TBC1D31: variants seen among roughly 807,000 people sequenced by gnomAD.
The protein encoded by TBC1D31 is TBC1 domain family member 31.
A neutral mutation model predicts 132.9 loss-of-function variants in TBC1D31; 99 were observed. The observed-to-expected ratio is 0.74, with a 90% CI of 0.63 to 0.88. TBC1D31 has a LOEUF of 0.88. TBC1D31 is among the 40% of genes least tolerant of loss of function. TBC1D31 has a pLI of 0.00. For missense variants in TBC1D31, 1,134 were observed against 1,256.6 expected, an observed-to-expected ratio of 0.90 and a Z score of 1.48; for synonymous variants, 385 against 419.4, an observed-to-expected ratio of 0.92 and a Z score of 1.00.
At chr8:123,095,608 A>G (rs772445531) in intron 5 of TBC1D31, among the ~76,000 whole-genome samples, 3 of 152,222 alleles carry the variant, frequency 2.0e-5, no homozygotes, top group Admixed American at 6.5e-5. Context: ...TGTCATTCTT[A>G]GAGATGTTCC....
chr8:123,153,841 TATTTATTACATCC>T (rs1418008948), downstream of TBC1D31, among the ~76,000 whole-genome samples: 1 of 152,252 alleles, frequency 6.6e-6, no homozygotes, highest in African/African-American at 2.4e-5. Flanking sequence ...GGCCTTTTCA[TATTTATTACATCC>T]ATAAAGTTTC....
chr8:123,123,745 C>T (rs1483598139), intron 11 of TBC1D31: 1 of 152,196 alleles, frequency 6.6e-6, no homozygotes, highest in Non-Finnish European at 1.5e-5. Context: ...GTCCTGTACA[C>T]ACTCACTTCT....
chr8:123,164,721 C>A, the TBC1D31 span, among the ~76,000 whole-genome samples: 17 of 146,940 alleles, frequency 1.2e-4, no homozygotes, highest in South Asian at 2.2e-4. Context: ...GACTCCATCT[C>A]AAAAAAAAAA....
chr8:123,098,038 C>T (rs1390230283), intron 6 of TBC1D31, among the ~76,000 whole-genome samples: 1 of 151,964 alleles, frequency 6.6e-6, no homozygotes, highest in Non-Finnish European at 1.5e-5. Context: ...TGTCGTGGAT[C>T]TTGTATTTTA....
In TBC1D31 at chr8:123,126,645, T is replaced by C. The variant is rs1430571038; in HGVS notation, c.1842T>C (p.Ser614=). 6.2e-7 allele frequency: 1 copy of C among 1,614,092 alleles called. No homozygotes were observed. The part of the protein sequence containing the change: ...LMTVVAYNIC[S]RTPLLSCNLK... ...CTGTTGTAGCCTACAACATATGTTC[T>C]AGAACGCCTCTGCTCAGCTGTAATC... is the stretch of plus-strand genomic sequence containing the variant. The change falls in exon 13 of 22, where the codon TCT becomes TCC. Residue 614 remains serine (S), a synonymous_variant. Coordinates refer to ENST00000287380, the MANE Select transcript of TBC1D31 (RefSeq NM_145647.4).
rs1265954569 is a variant in TBC1D31 at position 123,142,378 on chromosome 8, A to AACGAAACAAAT, written c.2757_2758insACGAAACAAAT (p.Val920ThrfsTer5). 3 of 1,609,528 alleles carry AACGAAACAAAT rather than the reference A, an allele frequency of 1.9e-6. No individual in the cohort carries two copies. Among genetic ancestry groups the AACGAAACAAAT allele is most frequent in the Non-Finnish European group, 2.5e-6 (3 of 1,178,258 alleles). Reference sequence around the variant, plus strand: ...TACAACGAAACAAATGTTACCAGGAAGTAGCCAAACTCCTTAGGGAAAACA... The same window carrying AACGAAACAAAT: ...TACAACGAAACAAATGTTACCAGGAAACGAAACAAATGTAGCCAAACTCCTTAGGGAAAACA... On this transcript the variant is annotated frameshift_variant, in exon 19 of 22. Transcript: ENST00000287380. LOFTEE classifies it high-confidence loss of function.
At chr8:123,160,887 C>T in the TBC1D31 span, among the ~76,000 whole-genome samples, 5 of 152,210 alleles carry the variant, frequency 3.3e-5, no homozygotes, top group African/African-American at 1.2e-4. Context: ...GAATGAAACT[C>T]GAACGGCTTC....
chr8:123,094,387 C>G (rs918541428), intron 5 of TBC1D31, among the ~76,000 whole-genome samples: 10 of 151,856 alleles, frequency 6.6e-5, no homozygotes, highest in Non-Finnish European at 1.3e-4. Context: ...AATAACTTCA[C>G]CTACTTCTCC....
intron 19 of TBC1D31, 141 bp downstream of exon 19, chr8:123,142,597 G>A (rs968416387): frequency 8.2e-6 from 5 of 607,284 alleles, no homozygotes; most frequent in African/African-American, 5.8e-5. Context: ...GCCTCCCAAA[G>A]TGCTGGGATT....
At chr8:123,121,034 A>G (rs1299648782) in intron 11 of TBC1D31, among the ~76,000 whole-genome samples, 3 of 147,240 alleles carry the variant, frequency 2.0e-5, no homozygotes, top group African/African-American at 7.5e-5. Context: ...GCTCACTGCA[A>G]CCTCCACCTC....
intron 10 of TBC1D31, among the ~76,000 whole-genome samples, chr8:123,118,455 G>C (rs1819162706): frequency 6.6e-6 from 1 of 152,114 alleles, no homozygotes; most frequent in African/African-American, 2.4e-5. Context: ...ACATGTGGGA[G>C]AATTATAATC....
At chr8:123,118,200 C>T (rs940272941) in intron 10 of TBC1D31, among the ~76,000 whole-genome samples, 5 of 152,016 alleles carry the variant, frequency 3.3e-5, no homozygotes, top group African/African-American at 9.7e-5. Context: ...AAAGAAATAA[C>T]GGAAAAATGA....
At chr8:123,132,748 A>G (rs1820752524) in intron 16 of TBC1D31, among the ~76,000 whole-genome samples, 1 of 152,140 alleles carries the variant, frequency 6.6e-6, no homozygotes, top group Non-Finnish European at 1.5e-5. Flanking sequence ...GAAATCTATC[A>G]TCTCTTTATA....
downstream of TBC1D31, among the ~76,000 whole-genome samples, chr8:123,155,436 A>C (rs2131008704): frequency 6.6e-6 from 1 of 152,270 alleles, no homozygotes; most frequent in East Asian, 1.9e-4. The surrounding 1 kb of genome is among the most constrained non-coding windows in gnomAD (Gnocchi z 4.1). Flanking sequence ...ATTTACAGTA[A>C]AGGGCAGCAG....
intron 20 of TBC1D31, 33 bp downstream of exon 20, chr8:123,144,888 G>A (rs1378117871): frequency 6.4e-7 from 1 of 1,565,534 alleles, no homozygotes; most frequent in Non-Finnish European, 8.6e-7. Flanking sequence ...TCTCCATGAT[G>A]TTACAGATTT....
Position 123,129,104 on chromosome 8 carries a change from A to G in TBC1D31, c.2156A>G (p.Gln719Arg), listed in dbSNP as rs1820375293. 2 of 1,608,396 alleles carry G rather than the reference A, an allele frequency of 1.2e-6. No homozygotes were observed. The highest frequency in any genetic ancestry group is 2.7e-5 in the African/African-American group (2 of 74,940). ...VEDMQAKVDQ[Q>R]RVEDEAWYQK... is the part of the protein sequence containing the mutation. ...GATATGCAAGCTAAAGTCGACCAGCAAAGAGTTGAAGATGAAGCTTGGTAC... is the reference window on the plus strand; with the variant it reads ...GATATGCAAGCTAAAGTCGACCAGCGAAGAGTTGAAGATGAAGCTTGGTAC... The change falls in exon 15 of 22, where the codon CAA (glutamine) becomes CGA (arginine). Residue 719 changes from glutamine to arginine, a missense_variant. Physicochemically the swap from Gln to Arg is conservative, Grantham distance 43. Coordinates refer to ENST00000287380, the MANE Select transcript of TBC1D31 (RefSeq NM_145647.4).
At chr8:123,089,304 G>A (rs1318157332) in intron 4 of TBC1D31, among the ~76,000 whole-genome samples, 1 of 152,202 alleles carries the variant, frequency 6.6e-6, no homozygotes, top group East Asian at 1.9e-4. Context: ...AACATTAAGT[G>A]TGATAATCTA....
chr8:123,076,630 G>C (rs1201499843), intron 1 of TBC1D31, among the ~76,000 whole-genome samples: 1 of 152,168 alleles, frequency 6.6e-6, no homozygotes. Context: ...GAACTCGCCT[G>C]CCAGGGTATT....
intron 5 of TBC1D31, among the ~76,000 whole-genome samples, chr8:123,095,123 C>A (rs6988792): frequency 2.9e-4 from 44 of 151,920 alleles, no homozygotes; most frequent in Non-Finnish European, 5.4e-4. Flanking sequence ...TCCTCTGTTA[C>A]CTGTATTTTT....
Sources: gnomAD v4.1 joint callset for allele counts (sites outside exome capture counted in the v4.1 genomes callset) on GRCh38, gnomAD v4.1.1 for gene constraint, Gnocchi (gnomAD v3.1) non-coding constraint, MANE v1.5 for transcripts, NCBI Gene and HGNC (gene_info 2026-07-23, HGNC 2026-07-21) for gene names.